The following DOT1L variants were observed in gnomAD, a reference collection of about 807,000 sequenced individuals.
The protein encoded by DOT1L is histone-lysine N-methyltransferase, H3 lysine-79 specific.
A neutral mutation model predicts 153.3 loss-of-function variants in DOT1L; 33 were observed. The observed-to-expected ratio is 0.22, with a 90% CI of 0.16 to 0.29. The LOEUF (loss-of-function observed/expected upper bound fraction) is 0.29, where lower values mean the gene tolerates loss of function less well. Among genes scored for constraint, DOT1L ranks in the 10% least tolerant of loss-of-function variants. The probability of loss-of-function intolerance (pLI) is 1.00; values close to 1 mark genes in which losing one functional copy is unlikely to be tolerated. For missense variants in DOT1L, 1,847 were observed against 2,119.9 expected, an observed-to-expected ratio of 0.87 and a Z score of 2.53; for synonymous variants, 1,135 against 965.1, an observed-to-expected ratio of 1.18 and a Z score of -3.26.
chr19:2,214,953 T>A (rs1224915757), intron 19 of DOT1L, among the ~76,000 whole-genome samples: 1 of 152,190 alleles, frequency 6.6e-6, no homozygotes, highest in Non-Finnish European at 1.5e-5. Context: ...CAGGGGCTTA[T>A]GCCTGTAATC....
At chr19:2,173,756 G>A (rs1402532975) in intron 1 of DOT1L, among the ~76,000 whole-genome samples, 2 of 152,160 alleles carry the variant, frequency 1.3e-5, no homozygotes, top group Non-Finnish European at 2.9e-5. Context: ...GAACCTTCCC[G>A]GTACCTTGCG....
chr19:2,203,126 G>A (rs180682171), intron 9 of DOT1L, among the ~76,000 whole-genome samples: 24 of 151,628 alleles, frequency 1.6e-4, no homozygotes, highest in African/African-American at 3.9e-4. Flanking sequence ...TTTTTGAGAC[G>A]GAGTCTCACT....
intron 1 of DOT1L, among the ~76,000 whole-genome samples, chr19:2,176,101 A>G (rs1445095682): frequency 1.3e-5 from 2 of 151,256 alleles, no homozygotes; most frequent in Non-Finnish European, 2.9e-5. Context: ...CTAGACATCC[A>G]CTCTCAGTTG....
At chr19:2,223,004 A>G in intron 24 of DOT1L, 1 of 473,452 alleles carries the variant, frequency 2.1e-6, no homozygotes, top group Non-Finnish European at 3.7e-6. Flanking sequence ...TGGGGTTCGG[A>G]GTGCGATGCG....
At position 2,216,458 on chromosome 19, in the gene DOT1L, C is replaced by G; in HGVS notation, c.2101C>G (p.Leu701Val). 1 of 1,612,698 alleles carries G rather than the reference C, an allele frequency of 6.2e-7. No homozygotes were observed. Among genetic ancestry groups the G allele is most frequent in the Non-Finnish European group, 8.5e-7 (1 of 1,179,946 alleles). Residue 701 changes from leucine (L) to valine (V), a missense_variant, in exon 20 of 28, where the codon CTG (leucine) becomes GTG (valine). Physicochemically the swap from Leu to Val is conservative, Grantham distance 32. Coordinates refer to ENST00000398665, the MANE Select transcript of DOT1L (RefSeq NM_032482.3). ...HLELDCTKFS[L>V]PHLSSMSPEL... ...GGAGCTGGACTGCACCAAGTTCTCG[C>G]TGCCTCACTTGAGCAGCATGAGCCC...
At chr19:2,210,944 G>A (rs996563745) in intron 14 of DOT1L, 89 bp downstream of exon 14, 8 of 1,506,942 alleles carry the variant, frequency 5.3e-6, no homozygotes, top group South Asian at 4.8e-5. Context: ...CCTGAGCCCC[G>A]TGTGTTCAGG....
chr19:2,181,763 ACCAGCCCCAGCCCCAGCCCCAGCC>A (rs899034866), intron 2 of DOT1L, among the ~76,000 whole-genome samples: 1 of 138,490 alleles, frequency 7.2e-6, no homozygotes, highest in East Asian at 2.6e-4. Flanking sequence ...CCCGCCCAGC[ACCAGCCCCAGCCCCAGCCCCAGCC>A]CCAGCCCCAG....
In DOT1L at chr19:2,199,918, G is replaced by A. The variant is rs762387358; in HGVS notation, c.686G>A (p.Arg229Lys). 14 of 1,613,946 alleles carry A rather than the reference G, an allele frequency of 8.7e-6. No homozygotes were observed. The East Asian group carries it at 1.1e-4, about 13-fold the overall frequency. ...ERGDFLSEEWRERIANTSVIF... is the reference protein window; with the variant it reads ...ERGDFLSEEWKERIANTSVIF... ...GGCGATTTCCTCTCAGAAGAGTGGA[G>A]GGAGCGAATCGCCAACACGAGGTAT... The change falls in exon 8 of 28, where the codon AGG becomes AAG. Residue 229 changes from arginine to lysine, a missense_variant. Physicochemically the swap from Arg to Lys is conservative, Grantham distance 26. Coordinates refer to ENST00000398665, the MANE Select transcript of DOT1L (RefSeq NM_032482.3).
chr19:2,200,989 G>A (rs35628622), intron 8 of DOT1L, among the ~76,000 whole-genome samples: 3 of 17,776 alleles, frequency 1.7e-4, no homozygotes, highest in Non-Finnish European at 2.4e-4. Flanking sequence ...ATTCCTCGTC[G>A]TCCCCTCATT....
chr19:2,174,585 C>T (rs1368635781), intron 1 of DOT1L, among the ~76,000 whole-genome samples: 1 of 152,158 alleles, frequency 6.6e-6, no homozygotes, highest in Non-Finnish European at 1.5e-5. Context: ...ACTTGGGAGG[C>T]TGAGGCAGGA....
Position 2,230,021 on chromosome 19 carries a change from C to A in DOT1L, c.*229C>A. 1 of 686,750 alleles carries A rather than the reference C, an allele frequency of 1.5e-6. No individual in the cohort carries two copies. The highest frequency in any genetic ancestry group is 2.4e-6 in the Non-Finnish European group (1 of 419,852). 42.5% of individuals were successfully genotyped at this position (686,750 alleles called of 1,614,324 possible). ...TTTATCATTTTTTAAAAAGTATAAA[C>A]AATTCTGACTTATTTTATTCCATCT... On this transcript the variant is annotated 3_prime_UTR_variant, in exon 28 of 28. Transcript: ENST00000398665.
intron 2 of DOT1L, among the ~76,000 whole-genome samples, chr19:2,183,737 C>T (rs1348005564): frequency 6.6e-6 from 1 of 151,760 alleles, no homozygotes; most frequent in Non-Finnish European, 1.5e-5. Flanking sequence ...AGTGATTCTT[C>T]TTCCTCAGCC....
chr19:2,228,106 C>A, intron 27 of DOT1L: 10 of 1,355,780 alleles, frequency 7.4e-6, no homozygotes, highest in Non-Finnish European at 9.8e-6. Flanking sequence ...TTCTTGCCCC[C>A]CACCTCTGCT....
At chr19:2,227,421 A>G in intron 27 of DOT1L, 1 of 640,016 alleles carries the variant, frequency 1.6e-6, no homozygotes, top group African/African-American at 1.8e-5. Flanking sequence ...GTCACCTGCT[A>G]GGTGTGGCCG....
intron 8 of DOT1L, among the ~76,000 whole-genome samples, chr19:2,200,538 C>T (rs2023211426): frequency 1.3e-5 from 2 of 152,196 alleles, no homozygotes; most frequent in African/African-American, 4.8e-5. Context: ...GGTGTGGCCA[C>T]AGCACTCCAG....
At chr19:2,224,324 A>T (rs1244510951) in intron 25 of DOT1L, among the ~76,000 whole-genome samples, 2 of 152,182 alleles carry the variant, frequency 1.3e-5, no homozygotes, top group Non-Finnish European at 2.9e-5. Context: ...TCCAGCAGCC[A>T]CACCATTCCA....
intron 18 of DOT1L, 92 bp from the exon 19 acceptor site, chr19:2,214,379 T>C: frequency 6.5e-7 from 1 of 1,544,384 alleles, no homozygotes. Context: ...TGCTGTTGGC[T>C]GAGGCAGGCC....
intron 12 of DOT1L, 147 bp from the exon 13 acceptor site, chr19:2,210,253 C>A (rs904020203): frequency 1.3e-6 from 1 of 760,956 alleles, no homozygotes. Flanking sequence ...CTCTGGGCCT[C>A]AGTTTCCTGA....
In DOT1L at chr19:2,210,009, G is replaced by A. The variant is rs879808635; in HGVS notation, c.1006-391G>A. ...GCATGGCGTCCCATGTGTGGGCCTCGGTGCCTTTCGAAGAGAGGAGAGAGG... is the reference window on the plus strand; with the variant it reads ...GCATGGCGTCCCATGTGTGGGCCTCAGTGCCTTTCGAAGAGAGGAGAGAGG... On this transcript the variant is annotated intron_variant, in intron 12 of 27. Transcript: ENST00000398665. Among the ~76,000 whole-genome samples, 4 of 152,190 alleles carry A rather than the reference G, an allele frequency of 2.6e-5. 1 individual carries two copies. Among genetic ancestry groups the A allele is most frequent in the Admixed American group, 2.6e-4 (4 of 15,282 alleles).
Sources: allele counts gnomAD v4.1 joint callset (sites outside exome capture counted in the v4.1 genomes callset), GRCh38; gene constraint gnomAD v4.1.1; transcripts MANE v1.5; gene names NCBI Gene and HGNC (gene_info 2026-07-23, HGNC 2026-07-21).